The following LARGE1 variants were observed in gnomAD, a reference collection of about 807,000 sequenced individuals.
LARGE1 encodes the protein LARGE xylosyl- and glucuronyltransferase 1, also known as xylosyl- and glucuronyltransferase LARGE1.
A neutral mutation model predicts 87.6 loss-of-function variants in LARGE1; 43 were observed. The observed-to-expected ratio is 0.49, with a 90% CI of 0.38 to 0.63. The LOEUF (loss-of-function observed/expected upper bound fraction) is 0.63, where lower values mean the gene tolerates loss of function less well. LARGE1 is among the 30% of genes least tolerant of loss of function. The pLI is 0.00. For synonymous variants in LARGE1, 434 were observed against 394.6 expected (o/e 1.10, Z -1.18); for missense variants, 802 against 1,000.2 (o/e 0.80, Z 2.67).
intron 7 of LARGE1, among the ~76,000 whole-genome samples, chr22:33,394,517 T>C (rs2065654148): frequency 6.6e-6 from 1 of 152,216 alleles, no homozygotes; most frequent in East Asian, 1.9e-4. Flanking sequence ...CTGATTCTTA[T>C]GACAAACTTG....
intron 10 of LARGE1, among the ~76,000 whole-genome samples, chr22:33,336,270 G>A (rs1477450689): frequency 6.6e-6 from 1 of 151,988 alleles, no homozygotes; most frequent in East Asian, 1.9e-4. Context: ...GCATGATCTC[G>A]GCTCACTGTA....
In LARGE1 at chr22:33,659,637, A is replaced by G. The variant is rs1022769685; in HGVS notation, c.107-8969T>C. On this transcript the variant is annotated intron_variant, in intron 2 of 14. Coordinates refer to ENST00000397394, the MANE Select transcript of LARGE1 (RefSeq NM_133642.5). ...GGTACACAGGGAATGTTTTGCCCCA[A>G]AATTCCCCTAAGTGATTTTCTGGAA... is the stretch of plus-strand genomic sequence containing the variant. Among the ~76,000 whole-genome samples the G allele has an allele frequency of 2.0e-5, 3 of 151,760 alleles. No homozygotes were observed. In the South Asian group the frequency reaches 6.3e-4, roughly 32 times the overall value.
chr22:33,891,921 T>G (rs1471397751), intron 1 of LARGE1, among the ~76,000 whole-genome samples: 1 of 152,220 alleles, frequency 6.6e-6, no homozygotes, highest in African/African-American at 2.4e-5. Flanking sequence ...GATAGGATCC[T>G]AGTCTAATAG....
rs79303945 is a variant in LARGE1, at chr22:33,686,156, T to C, written c.107-35488A>G. ...CCTAAAGCTAACCCATCTAGAGATATGTGGGTTGGGCTCAGGCAAACAAGT... is the reference window on the plus strand; with the variant it reads ...CCTAAAGCTAACCCATCTAGAGATACGTGGGTTGGGCTCAGGCAAACAAGT... On this transcript the variant is annotated intron_variant, in intron 2 of 14. Transcript: ENST00000397394. Among the ~76,000 whole-genome samples, 422 of 152,296 alleles carry C rather than the reference T, an allele frequency of 2.8e-3. 3 individuals are homozygous for C. The highest frequency in any genetic ancestry group is 9.9e-3 in the African/African-American group (411 of 41,562).
At chr22:33,373,974 A>T (rs1033032964) in intron 9 of LARGE1, among the ~76,000 whole-genome samples, 2 of 147,530 alleles carry the variant, frequency 1.4e-5, no homozygotes, top group East Asian at 4.2e-4. Flanking sequence ...CTCCGTCTCA[A>T]AAAAAAAAAA....
intron 6 of LARGE1, among the ~76,000 whole-genome samples, chr22:33,523,530 C>T (rs142154186): frequency 6.6e-6 from 1 of 152,194 alleles, no homozygotes; most frequent in African/African-American, 2.4e-5. Flanking sequence ...GAATCGCAAA[C>T]ATTTTCCTCT....
At chr22:33,080,444 T>C in the LARGE1 span, among the ~76,000 whole-genome samples, 1 of 152,170 alleles carries the variant, frequency 6.6e-6, no homozygotes, top group African/African-American at 2.4e-5. Flanking sequence ...AAAATGACCT[T>C]CATACAGAAT....
chr22:33,113,099 T>TATGCTC, the LARGE1 span, among the ~76,000 whole-genome samples: 2 of 152,196 alleles, frequency 1.3e-5, no homozygotes, highest in African/African-American at 4.8e-5. Context: ...TAAAGGAATA[T>TATGCTC]ATGCTCATTT....
At chr22:33,158,136 A>G (rs1158239114), downstream of LARGE1, among the ~76,000 whole-genome samples, 1 of 152,138 alleles carries the variant, frequency 6.6e-6, no homozygotes, top group East Asian at 1.9e-4. Flanking sequence ...GAGAGAAGGG[A>G]AATGAAATTA....
chr22:33,514,282 CCACACA>C (rs60301225), intron 6 of LARGE1, among the ~76,000 whole-genome samples: 2 of 147,862 alleles, frequency 1.4e-5, no homozygotes, highest in East Asian at 2.0e-4. Flanking sequence ...CTATGTGTGT[CCACACA>C]CACACACACA....
At position 33,503,238 on chromosome 22, in the gene LARGE1, T is replaced by TC. The variant is rs1449370214; in HGVS notation, c.787+61609dup. ...TTGCCTTGGAAAATGGTTTAGGAGT[T>TC]CCCCTTTTTTTTTTTTTTTTGTTTT... On this transcript the variant is annotated intron_variant, in intron 6 of 14. Coordinates refer to ENST00000397394, the MANE Select transcript of LARGE1 (RefSeq NM_133642.5). Among the ~76,000 whole-genome samples the TC allele has an allele frequency of 5.1e-3, 757 of 149,480 alleles. 6 individuals carry two copies. Among genetic ancestry groups the TC allele is most frequent in the African/African-American group, 0.018 (713 of 40,172 alleles).
Position 33,626,341 on chromosome 22 carries a change from A to C in LARGE1, c.409-15T>G. On this transcript the variant is annotated splice_polypyrimidine_tract_variant and intron_variant, in intron 3 of 14. Coordinates refer to ENST00000397394, the MANE Select transcript of LARGE1 (RefSeq NM_133642.5). ...ACGTGGATTGTCTGGGAAGAAAAGA[A>C]GACGGGGTGAGCAGTCAGACAGACG... 6.2e-7 allele frequency: 1 copy of C among 1,608,518 alleles called. No individual in the cohort carries two copies. The highest frequency in any genetic ancestry group is 8.5e-7 in the Non-Finnish European group (1 of 1,174,980).
At chr22:33,449,888 G>C (rs1327770857) in intron 6 of LARGE1, among the ~76,000 whole-genome samples, 1 of 151,980 alleles carries the variant, frequency 6.6e-6, no homozygotes, top group Non-Finnish European at 1.5e-5. Flanking sequence ...TATGTCTAAG[G>C]GGACTCTTGC....
At chr22:33,494,385 T>A (rs889567499) in intron 6 of LARGE1, among the ~76,000 whole-genome samples, 4 of 152,200 alleles carry the variant, frequency 2.6e-5, no homozygotes, top group Non-Finnish European at 4.4e-5. Context: ...CGTAAATGAA[T>A]AAAGTGACTG....
chr22:33,348,602 T>C (rs558562695), intron 9 of LARGE1, among the ~76,000 whole-genome samples: 31 of 152,242 alleles, frequency 2.0e-4, no homozygotes, highest in South Asian at 1.5e-3. Context: ...GAGATTAGCA[T>C]CTGAATCAGT....
chr22:33,541,583 C>A (rs550220328), intron 6 of LARGE1, among the ~76,000 whole-genome samples: 1 of 152,064 alleles, frequency 6.6e-6, no homozygotes, highest in Non-Finnish European at 1.5e-5. Flanking sequence ...CTTAATGATG[C>A]CTCCAGCAGA....
rs114165628 is a variant in LARGE1 at position 33,848,964 on chromosome 22, G to C, written c.-83+71031C>G. On this transcript the variant is annotated intron_variant, in intron 1 of 14. Coordinates refer to ENST00000397394, the MANE Select transcript of LARGE1 (RefSeq NM_133642.5). Reference sequence around the variant, plus strand: ...CACCCCAGCCTGTCCTGCTTCACTCGCTCTGCTTCATTGTTCTTCATGGGT... The same window carrying C: ...CACCCCAGCCTGTCCTGCTTCACTCCCTCTGCTTCATTGTTCTTCATGGGT... Among the ~76,000 whole-genome samples, 318 of 152,284 alleles carry C rather than the reference G, an allele frequency of 2.1e-3. 1 individual carries two copies. The highest frequency in any genetic ancestry group is 7.2e-3 in the African/African-American group (301 of 41,540).
Position 33,553,355 on chromosome 22 carries a change from T to TA in LARGE1, c.787+11492dup, listed in dbSNP as rs3216422. ...ACCCTGTGTCTGCAAAAATAAAAAT[T>TA]AAAAAAAAAAAATAGCCAGACGTGG... On this transcript the variant is annotated intron_variant, in intron 6 of 14. Coordinates refer to ENST00000397394, the MANE Select transcript of LARGE1 (RefSeq NM_133642.5). Among the ~76,000 whole-genome samples the TA allele has an allele frequency of 2.5e-3, 372 of 147,696 alleles. 2 individuals are homozygous for TA. Among genetic ancestry groups the TA allele is most frequent in the Middle Eastern group, 0.01 (3 of 288 alleles).
chr22:33,850,141 C>A (rs185637196), intron 1 of LARGE1, among the ~76,000 whole-genome samples: 2 of 152,256 alleles, frequency 1.3e-5, no homozygotes, highest in East Asian at 3.9e-4. Flanking sequence ...TATTTAAACC[C>A]ATCAGGAGAA....
Sources: allele counts gnomAD v4.1 joint callset (sites outside exome capture counted in the v4.1 genomes callset), GRCh38; gene constraint gnomAD v4.1.1; transcripts MANE v1.5; gene names NCBI Gene and HGNC (gene_info 2026-07-23, HGNC 2026-07-21).